Variants in DGLUCY observed in about 807,000 individuals in gnomAD.
DGLUCY encodes D-glutamate cyclase.
In DGLUCY, 58 loss-of-function variants were observed where a neutral mutation model predicts 58.5. The observed-to-expected ratio is 0.99, with a 90% CI of 0.80 to 1.23. The LOEUF (loss-of-function observed/expected upper bound fraction) is 1.23. Ranked by LOEUF, DGLUCY falls within the 50% of genes most tolerant of loss-of-function variation. DGLUCY has a pLI of 0.00. For synonymous variants in DGLUCY, 325 were observed against 314.1 expected (o/e 1.03, Z -0.37); for missense variants, 779 against 784.7 (o/e 0.99, Z 0.09).
At chr14:91,080,740 A>G in intron 1 of DGLUCY, among the ~76,000 whole-genome samples, 1 of 138,478 alleles carries the variant, frequency 7.2e-6, no homozygotes, top group African/African-American at 2.7e-5. Context: ...AGAGAGCTTC[A>G]ACTATCTATA....
chr14:91,178,839 T>A (rs1240713132), intron 7 of DGLUCY, among the ~76,000 whole-genome samples: 1 of 151,928 alleles, frequency 6.6e-6, no homozygotes, highest in Non-Finnish European at 1.5e-5. Context: ...AAGACCATCT[T>A]GGCCAACATG....
rs117426773 is a variant in DGLUCY at position 91,065,638 on chromosome 14, T to A, written c.-82+4934T>A. ...ATCATTAACCTAATGTACAACCAAGTTTGTAATGCACAACTCTTGCACAAC... is the reference window on the plus strand; with the variant it reads ...ATCATTAACCTAATGTACAACCAAGATTGTAATGCACAACTCTTGCACAAC... On this transcript the variant is annotated intron_variant, in intron 1 of 4. Transcript: ENST00000521334. Among the ~76,000 whole-genome samples, 879 of 152,240 alleles carry A rather than the reference T, an allele frequency of 5.8e-3. 4 individuals carry two copies. The highest frequency in any genetic ancestry group is 0.014 in the Admixed American group (209 of 15,284).
Position 91,224,672 on chromosome 14 carries a change from AT to A in DGLUCY, c.1717-5del. ...CCTCCACTCCTTCTATTTCTGCCCT[AT>A]TTTTTTCCAGGAAGAAAAAATGCTG... On this transcript the variant is annotated splice_polypyrimidine_tract_variant and intron_variant, in intron 13 of 13. Transcript: ENST00000256324. The A allele has an allele frequency of 6.3e-6, 10 of 1,585,064 alleles. No homozygotes were observed. Among genetic ancestry groups the A allele is most frequent in the Admixed American group, 1.7e-5 (1 of 58,916 alleles).
At chr14:91,220,294 G>T (rs550692698) in intron 13 of DGLUCY, 4 of 360,124 alleles carry the variant, frequency 1.1e-5, no homozygotes, top group African/African-American at 6.4e-5. Flanking sequence ...CTTTTTGGGT[G>T]ATTGGAAGAT....
At chr14:91,095,386 C>A (rs2044377748) in intron 1 of DGLUCY, among the ~76,000 whole-genome samples, 2 of 152,200 alleles carry the variant, frequency 1.3e-5, no homozygotes, top group Admixed American at 6.5e-5. Flanking sequence ...CTGTCCTTGC[C>A]TGGCTCGCTT....
chr14:91,062,284 C>T (rs1352790414), intron 1 of DGLUCY, among the ~76,000 whole-genome samples: 1 of 151,860 alleles, frequency 6.6e-6, no homozygotes, highest in Non-Finnish European at 1.5e-5. Flanking sequence ...CAGTGGTTCA[C>T]ACCTGTAAGC....
rs189828629 is a variant in DGLUCY, at chr14:91,156,946, C to T, written c.-81-693C>T. 2.7e-3 allele frequency among the ~76,000 whole-genome samples: 417 copies of T among 152,292 alleles called. 3 individuals are homozygous for T. Among genetic ancestry groups the T allele is most frequent in the African/African-American group, 9.7e-3 (402 of 41,546 alleles). ...ACCTTGTTGGGGATAGTGGGAAGGTCCCTGTTATTTTTAAAATATACTGAG... is the reference window on the plus strand; with the variant it reads ...ACCTTGTTGGGGATAGTGGGAAGGTTCCTGTTATTTTTAAAATATACTGAG... On this transcript the variant is annotated intron_variant, in intron 1 of 13. Coordinates refer to ENST00000256324, the MANE Select transcript of DGLUCY (RefSeq NM_001102368.3).
chr14:91,138,189 C>T (rs2046448533), intron 1 of DGLUCY, among the ~76,000 whole-genome samples: 1 of 152,146 alleles, frequency 6.6e-6, no homozygotes, highest in Non-Finnish European at 1.5e-5. Context: ...ACCATTCTCA[C>T]ACTGCTATAA....
intron 1 of DGLUCY, among the ~76,000 whole-genome samples, chr14:91,139,901 A>G (rs1309167787): frequency 1.3e-5 from 2 of 152,162 alleles, no homozygotes; most frequent in African/African-American, 4.8e-5. Flanking sequence ...AAAGGGGAGA[A>G]AGCAGGATGG....
chr14:91,193,676 A>T (rs1433938850), intron 9 of DGLUCY, among the ~76,000 whole-genome samples: 1 of 151,972 alleles, frequency 6.6e-6, no homozygotes, highest in East Asian at 1.9e-4. Flanking sequence ...CCCCGTCTCT[A>T]CCAAAAAATA....
chr14:91,062,633 A>C (rs13379045), intron 1 of DGLUCY, among the ~76,000 whole-genome samples: 38,007 of 120,414 alleles, frequency 0.32, 7,202 homozygotes, highest in African/African-American at 0.41. Context: ...GCTCAAGGGC[A>C]GTTAAAAAAC....
chr14:91,175,004 G>A (rs756264354), intron 6 of DGLUCY, among the ~76,000 whole-genome samples: 3 of 152,088 alleles, frequency 2.0e-5, no homozygotes, highest in Non-Finnish European at 4.4e-5. Flanking sequence ...TTCTCTACAC[G>A]CTCACCCACT....
At chr14:91,169,541 C>T (rs2048455629) in intron 4 of DGLUCY, among the ~76,000 whole-genome samples, 1 of 152,086 alleles carries the variant, frequency 6.6e-6, no homozygotes, top group Non-Finnish European at 1.5e-5. Flanking sequence ...TCCTGAGTAG[C>T]TGAGATTACA....
intron 8 of DGLUCY, among the ~76,000 whole-genome samples, chr14:91,188,609 T>C (rs1005700364): frequency 1.3e-5 from 2 of 152,140 alleles, no homozygotes; most frequent in African/African-American, 4.8e-5. Context: ...GAAGATTGCT[T>C]GAGCCCGGGA....
chr14:91,122,508 C>A (rs1226648969), intron 1 of DGLUCY, among the ~76,000 whole-genome samples: 1 of 151,642 alleles, frequency 6.6e-6, no homozygotes, highest in African/African-American at 2.4e-5. Flanking sequence ...CATTGCATAT[C>A]ACTGTGAGTG....
At chr14:91,152,181 G>T (rs1269667758) in intron 1 of DGLUCY, among the ~76,000 whole-genome samples, 4 of 152,146 alleles carry the variant, frequency 2.6e-5, no homozygotes, top group African/African-American at 9.7e-5. Flanking sequence ...GAGCCCAGGA[G>T]TTCAGAAAAT....
chr14:91,189,156 A>T lies in DGLUCY; in HGVS notation c.1181A>T (p.Asp394Val). The change falls in exon 9 of 14, where the codon GAT becomes GTT. Residue 394 changes from aspartate (D) to valine (V), a missense_variant. By Grantham distance (152) the Asp-to-Val change is radical. Transcript: ENST00000256324. ...AACTTGCACCAGAAGATTGTTGAAG[A>T]TGCTGTTGAGCAAGGTAAGCAGTGA... ...AWNLHQKIVEDAVEQGVLKTQ... is the reference protein window; with the variant it reads ...AWNLHQKIVEVAVEQGVLKTQ... The T allele has an allele frequency of 6.2e-7, 1 of 1,614,160 alleles. No individual in the cohort carries two copies. The highest frequency in any genetic ancestry group is 2.2e-5 in the East Asian group (1 of 44,882).
At chr14:91,086,075 T>A (rs898475503) in intron 1 of DGLUCY, among the ~76,000 whole-genome samples, 4 of 152,158 alleles carry the variant, frequency 2.6e-5, no homozygotes, top group Non-Finnish European at 5.9e-5. Flanking sequence ...TGAACCCTAT[T>A]GTGAACTGCG....
chr14:91,116,011 A>G (rs182602462), intron 1 of DGLUCY, among the ~76,000 whole-genome samples: 95 of 152,306 alleles, frequency 6.2e-4, no homozygotes, highest in East Asian at 1.5e-3. Flanking sequence ...TGGTTTGATA[A>G]TAATGATTCT....
Sources: allele counts gnomAD v4.1 joint callset (sites outside exome capture counted in the v4.1 genomes callset), GRCh38; gene constraint gnomAD v4.1.1; transcripts MANE v1.5; gene names NCBI Gene and HGNC (gene_info 2026-07-23, HGNC 2026-07-21).